The following ZNF469 variants were observed in gnomAD, a reference collection of about 807,000 sequenced individuals.
ZNF469 encodes the protein zinc finger protein 469.
ZNF469 carries 1 observed loss-of-function variant against 1.0 expected under a neutral mutation model. The observed-to-expected ratio is 1.00, with a 90% confidence interval of 0.35 to 4.73. The LOEUF (loss-of-function observed/expected upper bound fraction) is 4.73. ZNF469 is among the 30% of genes most tolerant of loss of function. The pLI is 0.16. For synonymous variants in ZNF469, 2,703 were observed against 2,363.4 expected (o/e 1.14, Z -4.17); for missense variants, 6,100 against 5,356.3 (o/e 1.14, Z -4.33).
At chr16:88,112,772 C>CTTTTTTTTTTTTTTTTTTTTTTTTT in the ZNF469 span, among the ~76,000 whole-genome samples, 1 of 73,484 alleles carries the variant, frequency 1.4e-5, no homozygotes, top group African/African-American at 6.0e-5. Context: ...TGTGCAGAAG[C>CTTTTTTTTTTTTTTTTTTTTTTTTT]TTTTTTTTTT....
the ZNF469 span, among the ~76,000 whole-genome samples, chr16:88,162,863 A>C: frequency 2.6e-5 from 4 of 152,270 alleles, no homozygotes; most frequent in Non-Finnish European, 5.9e-5. Context: ...AAAAATACTT[A>C]GTGCCTACTC....
chr16:88,136,659 G>A, the ZNF469 span, among the ~76,000 whole-genome samples: 1 of 152,260 alleles, frequency 6.6e-6, no homozygotes, highest in African/African-American at 2.4e-5. Flanking sequence ...CCTGGAGCCT[G>A]AACGATGGAC....
At chr16:88,414,008 T>C (rs1325762783) in intron 1 of ZNF469, among the ~76,000 whole-genome samples, 1 of 151,506 alleles carries the variant, frequency 6.6e-6, no homozygotes, top group Admixed American at 6.6e-5. Context: ...CCCAAGACCA[T>C]GCGGTGGAGC....
the ZNF469 span, among the ~76,000 whole-genome samples, chr16:88,322,359 C>G: frequency 6.6e-6 from 1 of 152,242 alleles, no homozygotes; most frequent in Non-Finnish European, 1.5e-5. Flanking sequence ...GAGGCGGCTG[C>G]GAGGCTGGGA....
the ZNF469 span, among the ~76,000 whole-genome samples, chr16:88,152,543 G>C: frequency 1.3e-5 from 2 of 152,162 alleles, no homozygotes; most frequent in African/African-American, 4.8e-5. The surrounding 1 kb of genome is among the most constrained non-coding windows in gnomAD (Gnocchi z 4.2). Flanking sequence ...CCCTGGCTGG[G>C]TCTTCTGTTG....
the ZNF469 span, among the ~76,000 whole-genome samples, chr16:88,216,493 C>A: frequency 1.3e-3 from 184 of 136,568 alleles, no homozygotes; most frequent in Non-Finnish European, 1.6e-3. Context: ...GACTCCGTCT[C>A]AAAAAAAAAA....
the ZNF469 span, among the ~76,000 whole-genome samples, chr16:88,357,884 G>A: frequency 6.6e-6 from 1 of 152,228 alleles, no homozygotes; most frequent in Non-Finnish European, 1.5e-5. Flanking sequence ...GGCAGGGCCT[G>A]TTGGGAGGAC....
At chr16:88,324,310 G>C in the ZNF469 span, among the ~76,000 whole-genome samples, 1 of 152,246 alleles carries the variant, frequency 6.6e-6, no homozygotes, top group African/African-American at 2.4e-5. Context: ...TTCAAAGGCA[G>C]AGACGCAGAC....
chr16:88,237,150 C>CTCACCCTCCCT, the ZNF469 span, among the ~76,000 whole-genome samples: 4 of 103,296 alleles, frequency 3.9e-5, no homozygotes, highest in Non-Finnish European at 6.6e-5. Context: ...GCTCCTGCCA[C>CTCACCCTCCCT]GGACCCTCCC....
At chr16:88,279,749 G>A in the ZNF469 span, among the ~76,000 whole-genome samples, 3,202 of 130,506 alleles carry the variant, frequency 0.025, 1 homozygote, top group African/African-American at 0.13. Context: ...ACTGACACTC[G>A]GTCAGTACCG....
At chr16:88,215,383 A>ATTTTTTTT in the ZNF469 span, among the ~76,000 whole-genome samples, 368 of 94,132 alleles carry the variant, frequency 3.9e-3, 22 homozygotes, top group Middle Eastern at 0.024. Context: ...TTGCCTTTTA[A>ATTTTTTTT]TTTTTTTTTT....
upstream of ZNF469, among the ~76,000 whole-genome samples, chr16:88,378,656 C>A (rs138763370): frequency 7.7e-3 from 1,174 of 152,298 alleles, 6 homozygotes; most frequent in Non-Finnish European, 0.011. Context: ...CTCTCCCTTC[C>A]ACTCCCACCC....
chr16:88,433,190 T>G lies in ZNF469; in HGVS notation c.5720T>G (p.Leu1907Arg). The G allele has an allele frequency of 6.5e-7, 1 of 1,550,188 alleles. No homozygotes were observed. The highest frequency in any genetic ancestry group is 8.7e-7 in the Non-Finnish European group (1 of 1,146,912). The part of the protein sequence containing the change: ...ALSPPIRQLQ[L>R]PGPGVAKSKD... ...AGCCCCCCCATACGTCAGCTCCAGCTCCCAGGGCCTGGAGTGGCTAAGAGT... is the reference window on the plus strand; with the variant it reads ...AGCCCCCCCATACGTCAGCTCCAGCGCCCAGGGCCTGGAGTGGCTAAGAGT... Residue 1907 changes from leucine to arginine, a missense_variant, in exon 3 of 3, where the codon CTC (leucine) becomes CGC (arginine). Leu to Arg is a moderately radical substitution (Grantham distance 102). Transcript: ENST00000565624.
the ZNF469 span, among the ~76,000 whole-genome samples, chr16:88,112,877 G>A: frequency 7.0e-6 from 1 of 143,618 alleles, no homozygotes; most frequent in Non-Finnish European, 1.5e-5. Context: ...TCCCGGGTTT[G>A]CGCTATTCTC....
At chr16:88,375,679 GC>G in the ZNF469 span, among the ~76,000 whole-genome samples, 910 of 152,348 alleles carry the variant, frequency 6.0e-3, 10 homozygotes, top group African/African-American at 0.02. Flanking sequence ...GGTGCCGGGC[GC>G]CATCGCAGGC....
the ZNF469 span, among the ~76,000 whole-genome samples, chr16:88,314,029 T>C: frequency 6.7e-6 from 1 of 150,062 alleles, no homozygotes; most frequent in Non-Finnish European, 1.5e-5. Context: ...ATTCAGGCAG[T>C]GCTGGTGTGG....
the ZNF469 span, among the ~76,000 whole-genome samples, chr16:88,197,149 C>CT: frequency 4.6e-5 from 7 of 152,342 alleles, no homozygotes; most frequent in African/African-American, 1.7e-4. Flanking sequence ...AGGAAGCTGG[C>CT]TGTCCCTACC....
the ZNF469 span, among the ~76,000 whole-genome samples, chr16:88,307,029 G>A: frequency 1.3e-5 from 2 of 152,096 alleles, no homozygotes; most frequent in South Asian, 2.1e-4. Context: ...CCGGTCCCTG[G>A]CAACCGCCAA....
Position 88,434,337 on chromosome 16 carries a change from C to G in ZNF469, c.6867C>G (p.Ser2289=), listed in dbSNP as rs1019165112. The G allele has an allele frequency of 1.1e-4, 168 of 1,550,124 alleles. No homozygotes were observed. Among genetic ancestry groups the G allele is most frequent in the Non-Finnish European group, 1.4e-4 (165 of 1,146,972 alleles). ...PSVAVRATGL[S]STPTGDEAQA... ...TGGCCGTCAGGGCTACTGGCCTGTC[C>G]AGCACTCCCACCGGAGATGAGGCAC... The change falls in exon 3 of 3, where the codon TCC becomes TCG. Residue 2289 remains serine (S), a synonymous_variant. Coordinates refer to ENST00000565624, the MANE Select transcript of ZNF469 (RefSeq NM_001367624.2).
Sources: gnomAD v4.1 joint callset for allele counts (sites outside exome capture counted in the v4.1 genomes callset) on GRCh38, gnomAD v4.1.1 for gene constraint, Gnocchi (gnomAD v3.1) non-coding constraint, MANE v1.5 for transcripts, NCBI Gene and HGNC (gene_info 2026-07-23, HGNC 2026-07-21) for gene names.